The following PRDM5 variants were observed in gnomAD, a reference collection of about 807,000 sequenced individuals.
PRDM5 encodes the protein PR/SET domain 5, also known as PR domain zinc finger protein 5.
In PRDM5, 56 loss-of-function variants were observed where a neutral mutation model predicts 81.2. That is an observed-to-expected ratio of 0.69 (90% CI 0.56 to 0.86). The LOEUF is 0.86. PRDM5 is among the 40% of genes least tolerant of loss of function. The pLI is 0.00. For missense variants in PRDM5, 697 were observed against 770.1 expected, an observed-to-expected ratio of 0.91 and a Z score of 1.12; for synonymous variants, 267 against 256.4, an observed-to-expected ratio of 1.04 and a Z score of -0.39.
chr4:120,793,754 T>C (rs1168186684), intron 10 of PRDM5, among the ~76,000 whole-genome samples: 1 of 151,838 alleles, frequency 6.6e-6, no homozygotes, highest in African/African-American at 2.4e-5. Context: ...TTTTGTGTGG[T>C]GAGAACACTT....
chr4:120,837,985 G>A (rs1188853612), intron 3 of PRDM5: 9 of 152,130 alleles, frequency 5.9e-5, no homozygotes, highest in Non-Finnish European at 1.3e-4. Flanking sequence ...ACCAACTTAC[G>A]AACTCATAGA....
chr4:120,718,314 A>C (rs577130467), intron 14 of PRDM5, among the ~76,000 whole-genome samples: 3 of 152,228 alleles, frequency 2.0e-5, no homozygotes, highest in Non-Finnish European at 4.4e-5. Context: ...TCACACACAC[A>C]GAAAGACATT....
chr4:120,795,278 T>C (rs78538447), intron 10 of PRDM5, among the ~76,000 whole-genome samples: 4,925 of 152,202 alleles, frequency 0.032, 265 homozygotes, highest in African/African-American at 0.11. Flanking sequence ...ACATGTATCC[T>C]ACAGCAGGAG....
chr4:120,712,155 G>A (rs546794730), intron 14 of PRDM5, among the ~76,000 whole-genome samples: 246 of 151,946 alleles, frequency 1.6e-3, no homozygotes, highest in African/African-American at 5.6e-3. Context: ...GCATGGTGGC[G>A]GGCACCTGTA....
At chr4:120,890,239 T>C (rs1451083163) in intron 2 of PRDM5, among the ~76,000 whole-genome samples, 1 of 152,140 alleles carries the variant, frequency 6.6e-6, no homozygotes, top group Admixed American at 6.6e-5. Context: ...GCACCTCACA[T>C]GGCCACAGCA....
chr4:120,736,694 G>A (rs539585923), intron 14 of PRDM5, among the ~76,000 whole-genome samples: 32 of 152,098 alleles, frequency 2.1e-4, no homozygotes, highest in African/African-American at 7.2e-4. Context: ...CTATATATTC[G>A]ATCATGTATC....
chr4:120,896,685 A>ACG (rs1764654503), intron 2 of PRDM5: 1 of 132,570 alleles, frequency 7.5e-6, no homozygotes, highest in Non-Finnish European at 1.6e-5. Context: ...ACACACACAC[A>ACG]CACATAATTT....
At chr4:120,837,967 C>T (rs967599869) in intron 3 of PRDM5, 7 of 152,284 alleles carry the variant, frequency 4.6e-5, no homozygotes, top group South Asian at 2.1e-4. Flanking sequence ...ATAATATAAC[C>T]ATTAAGTACC....
At chr4:120,749,238 C>T (rs185989217) in intron 14 of PRDM5, among the ~76,000 whole-genome samples, 50 of 152,118 alleles carry the variant, frequency 3.3e-4, no homozygotes, top group African/African-American at 1.2e-3. Context: ...ATAGTCTCAC[C>T]TTTGTCAGAG....
intron 3 of PRDM5, among the ~76,000 whole-genome samples, chr4:120,852,684 C>A (rs1288282589): frequency 6.6e-6 from 1 of 151,362 alleles, no homozygotes; most frequent in East Asian, 1.9e-4. Context: ...CATACATAAA[C>A]ATATACATGT....
intron 4 of PRDM5, 130 bp from the exon 5 acceptor site, chr4:120,818,657 A>G (rs1490552000): frequency 2.6e-6 from 2 of 782,668 alleles, no homozygotes; most frequent in Non-Finnish European, 4.2e-6. Context: ...TCTTATTATC[A>G]CTATAAATAT....
At chr4:120,858,472 T>C (rs1227765885) in intron 2 of PRDM5, among the ~76,000 whole-genome samples, 11 of 152,160 alleles carry the variant, frequency 7.2e-5, no homozygotes. Flanking sequence ...CTGTAGTGAT[T>C]TATAGTTTCC....
chr4:120,707,634 A>G (rs565594736), intron 15 of PRDM5, among the ~76,000 whole-genome samples: 1 of 152,122 alleles, frequency 6.6e-6, no homozygotes, highest in African/African-American at 2.4e-5. Flanking sequence ...ATGAATTCTT[A>G]GATATAACAC....
chr4:120,845,873 A>G (rs1427046771), intron 3 of PRDM5, among the ~76,000 whole-genome samples: 1 of 152,198 alleles, frequency 6.6e-6, no homozygotes, highest in Non-Finnish European at 1.5e-5. Context: ...CAAAATATCA[A>G]CATGAACAGA....
At chr4:120,751,735 G>A (rs1374936365) in intron 14 of PRDM5, among the ~76,000 whole-genome samples, 1 of 152,162 alleles carries the variant, frequency 6.6e-6, no homozygotes, top group African/African-American at 2.4e-5. Flanking sequence ...TCCCACATCT[G>A]GGGCTCTTAC....
chr4:120,839,883 C>T (rs534055794), intron 3 of PRDM5, among the ~76,000 whole-genome samples: 3 of 152,168 alleles, frequency 2.0e-5, no homozygotes, highest in South Asian at 2.1e-4. Flanking sequence ...GCTGAGGCAG[C>T]GGGGAGCTGA....
rs138781863 is a variant in PRDM5, at chr4:120,766,116, C to T, written c.1537+11072G>A. On this transcript the variant is annotated intron_variant, in intron 13 of 15. Coordinates refer to ENST00000264808, the MANE Select transcript of PRDM5 (RefSeq NM_018699.4). Reference sequence around the variant, plus strand: ...CTGGGATTGCAGGTGTGCACCACCACGCCCAGCTAATTTTTGTATTTTTAG... The same window carrying T: ...CTGGGATTGCAGGTGTGCACCACCATGCCCAGCTAATTTTTGTATTTTTAG... Among the ~76,000 whole-genome samples, 1,261 of 152,152 alleles carry T rather than the reference C, an allele frequency of 8.3e-3. 10 individuals carry two copies. The highest frequency in any genetic ancestry group is 0.028 in the African/African-American group (1,155 of 41,526).
chr4:120,835,422 G>C (rs949236355), intron 3 of PRDM5, among the ~76,000 whole-genome samples: 1 of 152,188 alleles, frequency 6.6e-6, no homozygotes, highest in Non-Finnish European at 1.5e-5. Context: ...GAAAGAGGTA[G>C]AATAAAGGAG....
At chr4:120,748,659 C>T (rs1252551043) in intron 14 of PRDM5, among the ~76,000 whole-genome samples, 2 of 151,010 alleles carry the variant, frequency 1.3e-5, no homozygotes, top group Admixed American at 6.6e-5. Flanking sequence ...AAAAAAAATT[C>T]CCCAAAAGAG....
Sources: gnomAD v4.1 joint callset for allele counts (sites outside exome capture counted in the v4.1 genomes callset) on GRCh38, gnomAD v4.1.1 for gene constraint, MANE v1.5 for transcripts, NCBI Gene and HGNC (gene_info 2026-07-23, HGNC 2026-07-21) for gene names.